The following CCSER1 variants were observed in gnomAD, a reference collection of about 807,000 sequenced individuals.
CCSER1 encodes the protein serine-rich coiled-coil domain-containing protein 1.
CCSER1 carries 41 observed loss-of-function variants against 82.0 expected under a neutral mutation model. The ratio of observed to expected loss-of-function variants is 0.50; its 90% CI spans 0.39 to 0.65. CCSER1 has a LOEUF of 0.65. Ranked by LOEUF, CCSER1 falls within the 30% of genes least tolerant of loss-of-function variation. The probability of loss-of-function intolerance (pLI) is 0.00; values close to 1 mark genes in which losing one functional copy is unlikely to be tolerated. For synonymous variants in CCSER1, 414 were observed against 383.9 expected, an observed-to-expected ratio of 1.08 and a Z score of -0.92; for missense variants, 1,119 against 1,064.2, an observed-to-expected ratio of 1.05 and a Z score of -0.72.
At chr4:90,147,443 G>T (rs61308573) in intron 1 of CCSER1, among the ~76,000 whole-genome samples, 1 of 151,756 alleles carries the variant, frequency 6.6e-6, no homozygotes, top group South Asian at 2.1e-4. Flanking sequence ...ACCATGAATT[G>T]TTTCTGGTTT....
chr4:90,419,271 C>T (rs1756315196), intron 4 of CCSER1, among the ~76,000 whole-genome samples: 1 of 151,908 alleles, frequency 6.6e-6, no homozygotes, highest in African/African-American at 2.4e-5. Flanking sequence ...GGATACAATA[C>T]CTGTTATCTG....
At chr4:91,590,802 C>G (rs1578871217) in intron 10 of CCSER1, among the ~76,000 whole-genome samples, 1 of 151,670 alleles carries the variant, frequency 6.6e-6, no homozygotes, top group African/African-American at 2.4e-5. Flanking sequence ...CAGAAGAATG[C>G]CTGGTATATA....
chr4:90,793,988 C>T (rs1010708159), intron 7 of CCSER1, among the ~76,000 whole-genome samples: 1 of 152,050 alleles, frequency 6.6e-6, no homozygotes, highest in Admixed American at 6.6e-5. Flanking sequence ...CTGCTCATGT[C>T]CTTTGTACAC....
intron 1 of CCSER1, among the ~76,000 whole-genome samples, chr4:90,201,726 T>C (rs1465152694): frequency 6.6e-5 from 10 of 152,096 alleles, no homozygotes; most frequent in Admixed American, 6.6e-4. Context: ...AAGGTTAGAA[T>C]TACAGATGTT....
At chr4:90,649,361 T>G (rs1463193600) in intron 6 of CCSER1, 1 of 152,196 alleles carries the variant, frequency 6.6e-6, no homozygotes, top group Non-Finnish European at 1.5e-5. Context: ...CCTCTCAATA[T>G]TCACATGTTG....
At chr4:90,285,286 T>C (rs915416513) in intron 1 of CCSER1, among the ~76,000 whole-genome samples, 16 of 152,104 alleles carry the variant, frequency 1.1e-4, no homozygotes, top group African/African-American at 3.6e-4. Flanking sequence ...ACATGGAATA[T>C]CTTTCCATTT....
At chr4:91,035,167 TATGTC>T (rs1340966635) in intron 9 of CCSER1, among the ~76,000 whole-genome samples, 1 of 152,172 alleles carries the variant, frequency 6.6e-6, no homozygotes, top group Admixed American at 6.5e-5. Flanking sequence ...ATACTTCAAA[TATGTC>T]ATAAGAATGT....
At chr4:90,581,804 A>C (rs1781440473) in intron 5 of CCSER1, among the ~76,000 whole-genome samples, 1 of 152,086 alleles carries the variant, frequency 6.6e-6, no homozygotes, top group African/African-American at 2.4e-5. Flanking sequence ...ACTTGTTGTA[A>C]ATGAAGATGG....
At chr4:90,154,435 T>A (rs1408929440) in intron 1 of CCSER1, among the ~76,000 whole-genome samples, 3 of 152,200 alleles carry the variant, frequency 2.0e-5, no homozygotes, top group Admixed American at 2.0e-4. Context: ...GGTAGCTTGA[T>A]GGGGATGGCA....
chr4:90,513,120 A>C (rs1560639672), intron 5 of CCSER1, among the ~76,000 whole-genome samples: 1 of 152,194 alleles, frequency 6.6e-6, no homozygotes, highest in Non-Finnish European at 1.5e-5. Context: ...ACTTGAGGTT[A>C]AAGGGCATGA....
chr4:91,379,599 TC>T (rs1434725369), intron 10 of CCSER1, among the ~76,000 whole-genome samples: 4 of 152,170 alleles, frequency 2.6e-5, no homozygotes, highest in African/African-American at 9.6e-5. Context: ...GGTGGTGATA[TC>T]CCCTTTATCA....
At chr4:90,561,958 C>T (rs963034146) in intron 5 of CCSER1, among the ~76,000 whole-genome samples, 5 of 151,836 alleles carry the variant, frequency 3.3e-5, no homozygotes, top group African/African-American at 7.3e-5. Flanking sequence ...GAGGCTGAAG[C>T]GGGAAGGATC....
rs529201981 is a variant in CCSER1, at chr4:90,274,813, A to G, written c.-41-33431A>G. ...TACTGAATAAATTAGGTGAATTCAA[A>G]TTTTAAATGGATACATTAAACATAT... On this transcript the variant is annotated intron_variant, in intron 1 of 10. Transcript: ENST00000509176. Among the ~76,000 whole-genome samples the G allele has an allele frequency of 7.9e-5, 12 of 152,266 alleles. 1 individual carries two copies. In the South Asian group the frequency reaches 2.5e-3, roughly 32 times the overall value.
Position 90,224,267 on chromosome 4 carries a change from C to T in CCSER1, c.-41-83977C>T, listed in dbSNP as rs1029949985. Among the ~76,000 whole-genome samples the T allele has an allele frequency of 8.5e-5, 13 of 152,286 alleles. No homozygotes were observed. The East Asian group carries it at 2.5e-3, about 29-fold the overall frequency. ...ATGACAAGGGAATTTCTATAGTTTG[C>T]ATTTTATTCACTTTTTCCCAATGCC... is the stretch of plus-strand genomic sequence containing the variant. On this transcript the variant is annotated intron_variant, in intron 1 of 10. Coordinates refer to ENST00000509176, the MANE Select transcript of CCSER1 (RefSeq NM_001145065.2).
At chr4:90,706,114 A>T (rs912430953) in intron 6 of CCSER1, among the ~76,000 whole-genome samples, 2 of 152,062 alleles carry the variant, frequency 1.3e-5, no homozygotes, top group African/African-American at 4.8e-5. Flanking sequence ...CCATCTTGGA[A>T]CCACTCCCTA....
At chr4:90,890,715 C>T (rs1413860790) in intron 8 of CCSER1, among the ~76,000 whole-genome samples, 1 of 152,162 alleles carries the variant, frequency 6.6e-6, no homozygotes, top group Non-Finnish European at 1.5e-5. Flanking sequence ...CTGACTTCCT[C>T]ACTCTACTGC....
At chr4:91,323,156 A>C (rs1466909456) in intron 10 of CCSER1, among the ~76,000 whole-genome samples, 1 of 152,132 alleles carries the variant, frequency 6.6e-6, no homozygotes, top group South Asian at 2.1e-4. Flanking sequence ...ATACCCAACC[A>C]GGCTGGAAGG....
chr4:91,179,122 A>T (rs578148978), intron 10 of CCSER1, among the ~76,000 whole-genome samples: 46 of 152,282 alleles, frequency 3.0e-4, no homozygotes, highest in Non-Finnish European at 6.0e-4. Context: ...AATGGTGAAT[A>T]TTGGCCCCCA....
chr4:91,322,307 C>A (rs1298905418), intron 10 of CCSER1, among the ~76,000 whole-genome samples: 1 of 152,044 alleles, frequency 6.6e-6, no homozygotes, highest in Non-Finnish European at 1.5e-5. Context: ...CTTGTAAATT[C>A]ATCCCAATTC....
Sources: allele counts gnomAD v4.1 joint callset (sites outside exome capture counted in the v4.1 genomes callset), GRCh38; gene constraint gnomAD v4.1.1; transcripts MANE v1.5; gene names NCBI Gene and HGNC (gene_info 2026-07-23, HGNC 2026-07-21).